Variants in KANSL1 observed in about 807,000 individuals in gnomAD.
KANSL1 encodes the protein MLL1/MLL complex subunit KANSL1.
In KANSL1, 22 loss-of-function variants were observed where a neutral mutation model predicts 103.6. The ratio of observed to expected loss-of-function variants is 0.21; its 90% CI spans 0.15 to 0.30. The LOEUF is 0.30. Ranked by LOEUF, KANSL1 falls within the 10% of genes least tolerant of loss-of-function variation. The pLI, the probability that KANSL1 is intolerant of heterozygous loss-of-function variation, is 1.00. For synonymous variants in KANSL1, 600 were observed against 527.6 expected, an observed-to-expected ratio of 1.14 and a Z score of -1.88; for missense variants, 1,337 against 1,399.8, an observed-to-expected ratio of 0.96 and a Z score of 0.72.
At chr17:46,191,587 A>G (rs1968120) in intron 1 of KANSL1, among the ~76,000 whole-genome samples, 7,204 of 150,934 alleles carry the variant, frequency 0.048, 904 homozygotes, top group East Asian at 0.42. Context: ...GTAGCAATCT[A>G]TAACTATATC....
Position 46,094,584 on chromosome 17 carries a change from A to C in KANSL1, c.1407T>G (p.Ile469Met). The change falls in exon 3 of 15, where the codon ATT becomes ATG. Residue 469 changes from isoleucine to methionine, a missense_variant. Ile to Met is a conservative substitution (Grantham distance 10, BLOSUM62 1). Around this residue, in one of 2 missense-constraint regions of KANSL1, gnomAD observed 780 missense variants for 923.4 expected, o/e 0.84. Coordinates refer to ENST00000432791, the MANE Select transcript of KANSL1 (RefSeq NM_015443.4). ...LEYRIRQQTD[I>M]YKQIRANKGL... ...CCTTATTAGCACGTATCTGTTTGTAAATGTCTGTTTGCTGACGAATTCGAT... is the reference window on the plus strand; with the variant it reads ...CCTTATTAGCACGTATCTGTTTGTACATGTCTGTTTGCTGACGAATTCGAT... The C allele has an allele frequency of 1.9e-6, 3 of 1,613,490 alleles. No individual in the cohort carries two copies. Among genetic ancestry groups the C allele is most frequent in the Non-Finnish European group, 2.5e-6 (3 of 1,179,992 alleles).
chr17:46,206,507 C>T (rs2047974757), intron 1 of KANSL1, among the ~76,000 whole-genome samples: 1 of 152,242 alleles, frequency 6.6e-6, no homozygotes, highest in Admixed American at 6.5e-5. Context: ...AGGAGGATTG[C>T]TTGAGGCCAG....
At chr17:46,192,691 G>A (rs548142403) in intron 1 of KANSL1, 132 bp downstream of exon 1, 1 of 153,462 alleles carries the variant, frequency 6.5e-6, no homozygotes, top group Non-Finnish European at 1.5e-5. Flanking sequence ...AAGTTCCGGG[G>A]GATTTTTCTA....
intron 1 of KANSL1, among the ~76,000 whole-genome samples, chr17:46,181,711 C>T (rs1186434953): frequency 1.3e-5 from 2 of 152,220 alleles, no homozygotes; most frequent in African/African-American, 4.8e-5. Flanking sequence ...GAATTACAGG[C>T]ATGAGCCACC....
intron 2 of KANSL1, among the ~76,000 whole-genome samples, chr17:46,112,959 G>GACC (rs2042886465): frequency 6.6e-6 from 1 of 152,160 alleles, no homozygotes; most frequent in Non-Finnish European, 1.5e-5. Context: ...GACCTCAGGT[G>GACC]ACCCGCCCAC....
intron 1 of KANSL1, among the ~76,000 whole-genome samples, chr17:46,199,886 C>A (rs1453064662): frequency 6.6e-6 from 1 of 152,228 alleles, no homozygotes; most frequent in Non-Finnish European, 1.5e-5. Flanking sequence ...CAGGTTCTCT[C>A]AGGCCATCAG....
intron 4 of KANSL1, among the ~76,000 whole-genome samples, chr17:46,080,077 A>G (rs1196094343): frequency 4.6e-5 from 7 of 152,158 alleles, no homozygotes; most frequent in Non-Finnish European, 7.4e-5. Flanking sequence ...TTTTGAAACT[A>G]TATTTTGACA....
At chr17:46,213,315 T>G (rs866428160) in intron 1 of KANSL1, among the ~76,000 whole-genome samples, 8 of 151,410 alleles carry the variant, frequency 5.3e-5, no homozygotes, top group South Asian at 2.1e-4. Context: ...TGTTGTTGTT[T>G]TTTGAGACGG....
intron 4 of KANSL1, among the ~76,000 whole-genome samples, chr17:46,079,147 G>A (rs910260551): frequency 6.6e-6 from 1 of 152,146 alleles, no homozygotes; most frequent in Non-Finnish European, 1.5e-5. Context: ...AATATTCCTT[G>A]ATTTGCTCCA....
chr17:46,126,566 T>A (rs1305766766), intron 2 of KANSL1, among the ~76,000 whole-genome samples: 2 of 152,254 alleles, frequency 1.3e-5, no homozygotes, highest in Non-Finnish European at 2.9e-5. Flanking sequence ...TTTGGAATAT[T>A]TTGGCAAATA....
At chr17:46,185,733 A>ACACG (rs2047000946) in intron 1 of KANSL1, among the ~76,000 whole-genome samples, 1 of 147,590 alleles carries the variant, frequency 6.8e-6, no homozygotes, top group Non-Finnish European at 1.5e-5. Context: ...ACACACACAC[A>ACACG]CGGATAGGCT....
intron 1 of KANSL1, among the ~76,000 whole-genome samples, chr17:46,219,005 A>G (rs886862725): frequency 7.2e-5 from 11 of 152,090 alleles, no homozygotes; most frequent in African/African-American, 2.7e-4. Context: ...TCATGCCTGT[A>G]ATCCCAGCAC....
At chr17:46,131,037 C>T (rs930783017) in intron 2 of KANSL1, among the ~76,000 whole-genome samples, 1 of 152,150 alleles carries the variant, frequency 6.6e-6, no homozygotes, top group African/African-American at 2.4e-5. Flanking sequence ...ACTTTGAAAC[C>T]CTCTGTCCTG....
intron 1 of KANSL1, among the ~76,000 whole-genome samples, chr17:46,199,581 C>A (rs1035618245): frequency 1.3e-5 from 2 of 152,232 alleles, no homozygotes; most frequent in African/African-American, 4.8e-5. Context: ...AGCATTCCTT[C>A]ATTTCAATCC....
At chr17:46,153,960 G>A (rs2532297) in intron 2 of KANSL1, among the ~76,000 whole-genome samples, 21,955 of 152,164 alleles carry the variant, frequency 0.14, 2,137 homozygotes, top group Non-Finnish European at 0.22. Flanking sequence ...CTCTCCTCAT[G>A]AGCTGCTGCT....
chr17:46,136,573 G>T (rs1042770839), intron 2 of KANSL1, among the ~76,000 whole-genome samples: 1 of 152,274 alleles, frequency 6.6e-6, no homozygotes, highest in African/African-American at 2.4e-5. Flanking sequence ...AGGTAGACTG[G>T]ATGCCCAAAG....
At chr17:46,094,782 C>A in intron 2 of KANSL1, 81 bp from the exon 3 acceptor site, 1 of 1,524,730 alleles carries the variant, frequency 6.6e-7, no homozygotes, top group South Asian at 1.1e-5. Context: ...TGGAATTTAA[C>A]TTTTAAAGGC....
intron 3 of KANSL1, among the ~76,000 whole-genome samples, chr17:46,090,832 A>G (rs2079354841): frequency 1.3e-5 from 2 of 152,248 alleles, no homozygotes; most frequent in South Asian, 4.1e-4. Flanking sequence ...GTGTAAAGAA[A>G]CCTACAGTGC....
chr17:46,062,110 C>CAAAAAAAAAAAAAAAAAAAAAAAA (rs1568403365), intron 6 of KANSL1, among the ~76,000 whole-genome samples: 1 of 22,258 alleles, frequency 4.5e-5, no homozygotes, highest in African/African-American at 1.3e-4. Context: ...AAAAAAAAAA[C>CAAAAAAAAAAAAAAAAAAAAAAAA]AAACAAACAA....
Sources: allele counts gnomAD v4.1 joint callset (sites outside exome capture counted in the v4.1 genomes callset), GRCh38; gene constraint gnomAD v4.1.1; regional missense constraint gnomAD v4.1.1; transcripts MANE v1.5; gene names NCBI Gene and HGNC (gene_info 2026-07-23, HGNC 2026-07-21).